Variants in ZBBX observed in about 807,000 individuals in gnomAD.
ZBBX encodes the protein zinc finger B-box domain containing, also known as zinc finger B-box domain-containing protein 1.
ZBBX carries 101 observed loss-of-function variants against 108.5 expected under a neutral mutation model. The ratio of observed to expected loss-of-function variants is 0.93; its 90% CI spans 0.79 to 1.10. The LOEUF (loss-of-function observed/expected upper bound fraction) is 1.10, where lower values mean the gene tolerates loss of function less well. ZBBX is among the 50% of genes least tolerant of loss of function. ZBBX has a pLI of 0.00. For synonymous variants in ZBBX, 356 were observed against 323.4 expected (o/e 1.10, Z -1.08); for missense variants, 1,009 against 941.4 (o/e 1.07, Z -0.94).
At chr3:167,319,526 T>C (rs1369053425) in intron 12 of ZBBX, among the ~76,000 whole-genome samples, 2 of 152,028 alleles carry the variant, frequency 1.3e-5, no homozygotes, top group Non-Finnish European at 2.9e-5. Context: ...AGTGAGGATA[T>C]GGGCTGAACC....
At chr3:167,284,207 A>G (rs1488019104) in intron 19 of ZBBX, among the ~76,000 whole-genome samples, 1 of 141,532 alleles carries the variant, frequency 7.1e-6, no homozygotes, top group Non-Finnish European at 1.6e-5. Context: ...TATATATATA[A>G]TTATCCCTGA....
At chr3:167,305,190 T>C (rs1234996173) in intron 17 of ZBBX, among the ~76,000 whole-genome samples, 2 of 152,160 alleles carry the variant, frequency 1.3e-5, no homozygotes, top group African/African-American at 4.8e-5. Flanking sequence ...TTATTAGCCA[T>C]CTTCCTGAAA....
At chr3:167,210,927 A>G in the ZBBX span, among the ~76,000 whole-genome samples, 6 of 152,288 alleles carry the variant, frequency 3.9e-5, no homozygotes, top group East Asian at 1.2e-3. Context: ...GGGAGTCATC[A>G]GTATGAAAAA....
At chr3:167,373,668 T>C (rs1379419342) in intron 3 of ZBBX, 38 bp downstream of exon 3, 4 of 152,162 alleles carry the variant, frequency 2.6e-5, no homozygotes, top group African/African-American at 9.7e-5. Context: ...ACAGAAAATG[T>C]TATTGAGAAA....
At chr3:167,340,418 A>T (rs1740335325) in intron 9 of ZBBX, among the ~76,000 whole-genome samples, 1 of 152,136 alleles carries the variant, frequency 6.6e-6, no homozygotes, top group Non-Finnish European at 1.5e-5. Flanking sequence ...AGTAATTTTC[A>T]TATAAAAAAT....
intron 17 of ZBBX, among the ~76,000 whole-genome samples, chr3:167,299,840 A>AAGTAG (rs1398360239): frequency 6.6e-6 from 1 of 152,210 alleles, no homozygotes; most frequent in East Asian, 1.9e-4. Flanking sequence ...AATGAAAAGA[A>AAGTAG]AGTAGATTCA....
chr3:167,281,796 T>A (rs1184281167), intron 20 of ZBBX, among the ~76,000 whole-genome samples: 1 of 152,210 alleles, frequency 6.6e-6, no homozygotes, highest in Non-Finnish European at 1.5e-5. Flanking sequence ...AGAATTTTCA[T>A]GGTGACAAGA....
the ZBBX span, among the ~76,000 whole-genome samples, chr3:167,208,731 A>C: frequency 6.6e-6 from 1 of 152,184 alleles, no homozygotes; most frequent in Admixed American, 6.6e-5. Context: ...GACCCAGTGC[A>C]TACCCAGCTG....
At chr3:167,251,553 G>A (rs1722611096) in intron 20 of ZBBX, among the ~76,000 whole-genome samples, 1 of 152,116 alleles carries the variant, frequency 6.6e-6, no homozygotes, top group Non-Finnish European at 1.5e-5. Flanking sequence ...GGGGACGGGG[G>A]ATCCTTTCCG....
At chr3:167,286,132 T>C (rs1355593331) in intron 19 of ZBBX, among the ~76,000 whole-genome samples, 2 of 152,016 alleles carry the variant, frequency 1.3e-5, no homozygotes, top group Non-Finnish European at 2.9e-5. Context: ...GAATCAATCA[T>C]ATGAAGAGTG....
At chr3:167,184,606 A>G in the ZBBX span, among the ~76,000 whole-genome samples, 1 of 152,170 alleles carries the variant, frequency 6.6e-6, no homozygotes, top group Non-Finnish European at 1.5e-5. Flanking sequence ...TTAAGCAGCC[A>G]GGTCCAGGAG....
intron 1 of ZBBX, among the ~76,000 whole-genome samples, chr3:167,385,619 C>G (rs1029479583): frequency 1.1e-4 from 17 of 151,912 alleles, no homozygotes; most frequent in Non-Finnish European, 5.9e-5. Context: ...CAGATGTACA[C>G]AAAATTTTTT....
At chr3:167,196,255 T>C in the ZBBX span, among the ~76,000 whole-genome samples, 3 of 152,198 alleles carry the variant, frequency 2.0e-5, no homozygotes, top group Non-Finnish European at 2.9e-5. Flanking sequence ...AGAATCTATA[T>C]GCTATCATGT....
chr3:167,400,418 T>C (rs755448473), intron 1 of ZBBX, among the ~76,000 whole-genome samples: 4 of 152,160 alleles, frequency 2.6e-5, no homozygotes, highest in Non-Finnish European at 2.9e-5. Context: ...TGAGATGATA[T>C]CTTATTGTGG....
At position 167,317,550 on chromosome 3, in the gene ZBBX, T is replaced by G; in HGVS notation, c.1031A>C (p.His344Pro). 6.2e-7 allele frequency: 1 copy of G among 1,611,308 alleles called. No individual in the cohort carries two copies. Among genetic ancestry groups the G allele is most frequent in the East Asian group, 2.2e-5 (1 of 44,724 alleles). The change falls in exon 13 of 22, where the codon CAT (histidine) becomes CCT (proline). Residue 344 changes from histidine (H) to proline (P), a missense_variant. Physicochemically the swap from His to Pro is moderately conservative, Grantham distance 77 (BLOSUM62 -2). Transcript: ENST00000675490. The stretch of plus-strand genomic sequence containing the variant: ...TGCATCACCAGTGGTTTCATGTGGA[T>G]GTGGGAACGTATCTGGTAGCATTTT... ...LFKMLPDTFP[H>P]PHETTGDAQC... is the part of the protein sequence containing the mutation.
At chr3:167,307,870 A>G (rs1026033031) in intron 16 of ZBBX, among the ~76,000 whole-genome samples, 1 of 152,178 alleles carries the variant, frequency 6.6e-6, no homozygotes, top group African/African-American at 2.4e-5. Context: ...CCTGGAAGAC[A>G]ATCTAGGCAA....
At chr3:167,280,093 C>T (rs373105963) in intron 20 of ZBBX, among the ~76,000 whole-genome samples, 3 of 152,008 alleles carry the variant, frequency 2.0e-5, no homozygotes, top group African/African-American at 7.2e-5. Context: ...ATACAAAAAT[C>T]AATTCAAGAT....
At chr3:167,283,845 G>A (rs916054248) in intron 19 of ZBBX, among the ~76,000 whole-genome samples, 2 of 152,066 alleles carry the variant, frequency 1.3e-5, no homozygotes, top group Non-Finnish European at 2.9e-5. Flanking sequence ...GTTTCACCAT[G>A]TTGGCCAGGA....
chr3:167,388,485 G>A (rs1156636235), intron 1 of ZBBX, among the ~76,000 whole-genome samples: 2 of 151,968 alleles, frequency 1.3e-5, no homozygotes, highest in African/African-American at 4.8e-5. Flanking sequence ...AGGGAGATCA[G>A]TGAGAATATT....
Sources: allele counts gnomAD v4.1 joint callset (sites outside exome capture counted in the v4.1 genomes callset), GRCh38; gene constraint gnomAD v4.1.1; transcripts MANE v1.5; gene names NCBI Gene and HGNC (gene_info 2026-07-23, HGNC 2026-07-21).